Variants in RIPOR2 observed in about 807,000 individuals in gnomAD.
RIPOR2 encodes RHO family interacting cell polarization regulator 2.
In RIPOR2, 39 loss-of-function variants were observed where a neutral mutation model predicts 114.5. The ratio of observed to expected loss-of-function variants is 0.34; its 90% CI spans 0.26 to 0.44. RIPOR2 has a LOEUF of 0.44. Among genes scored for constraint, RIPOR2 ranks in the 20% least tolerant of loss-of-function variants. The pLI, the probability that RIPOR2 is intolerant of heterozygous loss-of-function variation, is 1.00. For missense variants in RIPOR2, 1,007 were observed against 1,255.1 expected, an observed-to-expected ratio of 0.80 and a Z score of 2.99; for synonymous variants, 445 against 484.4, an observed-to-expected ratio of 0.92 and a Z score of 1.07.
At chr6:24,881,994 CCTGT>C (rs1215934372) in intron 1 of RIPOR2, among the ~76,000 whole-genome samples, 11 of 152,176 alleles carry the variant, frequency 7.2e-5, no homozygotes, top group Admixed American at 7.2e-4. Context: ...TTGGAGATAA[CCTGT>C]CTCTTAAGAA....
intron 1 of RIPOR2, among the ~76,000 whole-genome samples, chr6:24,922,588 G>A (rs953379157): frequency 6.6e-6 from 1 of 151,892 alleles, no homozygotes; most frequent in African/African-American, 2.4e-5. Flanking sequence ...GGCCAGGCAC[G>A]GTGGCTCACG....
intron 1 of RIPOR2, among the ~76,000 whole-genome samples, chr6:24,904,218 A>C (rs950002581): frequency 2.6e-5 from 4 of 152,216 alleles, no homozygotes; most frequent in South Asian, 2.1e-4. Context: ...AGAAGTCTAA[A>C]ATGGGTCTCA....
At chr6:24,836,775 C>A (rs1304483368) in intron 14 of RIPOR2, among the ~76,000 whole-genome samples, 3 of 152,038 alleles carry the variant, frequency 2.0e-5, no homozygotes, top group African/African-American at 7.2e-5. Context: ...TGTGTCTGGG[C>A]AGTCCACACA....
chr6:24,807,556 A>G (rs1780851698), intron 21 of RIPOR2, among the ~76,000 whole-genome samples: 1 of 152,228 alleles, frequency 6.6e-6, no homozygotes, highest in African/African-American at 2.4e-5. Context: ...TCAACTTACA[A>G]CGGGTTTATT....
At chr6:25,040,146 T>C (rs528521855) in intron 1 of RIPOR2, among the ~76,000 whole-genome samples, 160 of 152,134 alleles carry the variant, frequency 1.1e-3, no homozygotes, top group African/African-American at 3.4e-3. Context: ...AGATGGAGTT[T>C]CGCTCATCGC....
At chr6:25,031,975 A>C (rs749010631) in intron 1 of RIPOR2, among the ~76,000 whole-genome samples, 1 of 151,530 alleles carries the variant, frequency 6.6e-6, no homozygotes, top group African/African-American at 2.4e-5. Flanking sequence ...TATGCCATTT[A>C]GAGGGTTGCT....
chr6:24,817,978 C>CTTTTTTTTTTTTTTTTTTTTTTTTT (rs57294288), intron 20 of RIPOR2, among the ~76,000 whole-genome samples: 1 of 118,366 alleles, frequency 8.4e-6, no homozygotes, highest in Non-Finnish European at 1.7e-5. Context: ...CTCTCTCTCT[C>CTTTTTTTTTTTTTTTTTTTTTTTTT]TTTTTTTTTG....
At chr6:24,881,225 C>T (rs143588516) in intron 1 of RIPOR2, among the ~76,000 whole-genome samples, 60 of 152,336 alleles carry the variant, frequency 3.9e-4, no homozygotes, top group African/African-American at 1.4e-3. Context: ...GCCTGGGTGG[C>T]TGGGGCTTTG....
intron 4 of RIPOR2, 96 bp from the exon 5 acceptor site, chr6:24,870,985 G>A (rs1765109896): frequency 2.9e-6 from 2 of 686,892 alleles, no homozygotes; most frequent in African/African-American, 1.9e-5. Context: ...CACATTATCT[G>A]TGGAAATAAT....
At chr6:24,916,165 T>C (rs1174788005) in intron 1 of RIPOR2, among the ~76,000 whole-genome samples, 1 of 152,216 alleles carries the variant, frequency 6.6e-6, no homozygotes, top group Non-Finnish European at 1.5e-5. Flanking sequence ...CCATTCCTAC[T>C]GCCTGAAAAT....
At chr6:24,807,170 C>A (rs1170916170) in intron 21 of RIPOR2, among the ~76,000 whole-genome samples, 1 of 152,228 alleles carries the variant, frequency 6.6e-6, no homozygotes, top group African/African-American at 2.4e-5. Context: ...AATAGTTGTG[C>A]CTAATCAGAA....
At chr6:24,844,371 T>TC (rs35329992) in intron 12 of RIPOR2, among the ~76,000 whole-genome samples, 118,076 of 152,154 alleles carry the variant, frequency 0.78, 47,196 homozygotes, top group East Asian at 0.96. Flanking sequence ...AAGTCAGCTC[T>TC]CTTGTGCTGT....
intron 1 of RIPOR2, among the ~76,000 whole-genome samples, chr6:24,985,370 ATT>A (rs11300406): frequency 0.34 from 51,124 of 151,254 alleles, 9,113 homozygotes; most frequent in South Asian, 0.42. Context: ...AGACCAAGTG[ATT>A]TTTTTTTTTT....
intron 1 of RIPOR2, among the ~76,000 whole-genome samples, chr6:24,941,709 G>A (rs1772141078): frequency 6.6e-6 from 1 of 152,170 alleles, no homozygotes; most frequent in Non-Finnish European, 1.5e-5. Context: ...AGCTGCTACT[G>A]ATAATAAAAT....
chr6:24,828,239 T>C lies in RIPOR2; in HGVS notation c.2563A>G (p.Ser855Gly), dbSNP rs919633688. 1.9e-6 allele frequency: 3 copies of C among 1,551,258 alleles called. No individual in the cohort carries two copies. The highest frequency in any genetic ancestry group is 1.7e-6 in the Non-Finnish European group (2 of 1,146,796). Residue 855 changes from serine (S) to glycine (G), a missense_variant, in exon 18 of 22, where the codon AGC becomes GGC. By Grantham distance (56) the Ser-to-Gly change is moderately conservative. Coordinates refer to ENST00000643898, the MANE Select transcript of RIPOR2 (RefSeq NM_001286445.3). ...ACAGTGACGACTTCCGAGGACAGGC[T>C]GGAGGAAAGCAGAGGCTCAGCCCGG... ...LDRAEPLLSS[S>G]LSSEVVTVFQ...
At chr6:24,963,978 G>A (rs1046256619) in intron 1 of RIPOR2, among the ~76,000 whole-genome samples, 6 of 152,030 alleles carry the variant, frequency 3.9e-5, no homozygotes, top group African/African-American at 1.4e-4. Flanking sequence ...CGAATTCCTG[G>A]ACTAAAGCGA....
chr6:25,008,244 C>T (rs1375354501), intron 1 of RIPOR2, among the ~76,000 whole-genome samples: 1 of 152,072 alleles, frequency 6.6e-6, no homozygotes, highest in East Asian at 1.9e-4. Flanking sequence ...TCTCGAACTC[C>T]TGACCTCGTG....
intron 2 of RIPOR2, among the ~76,000 whole-genome samples, chr6:24,874,738 A>T (rs1384417613): frequency 6.6e-6 from 1 of 152,262 alleles, no homozygotes; most frequent in Non-Finnish European, 1.5e-5. Flanking sequence ...TGTCTATGAA[A>T]TTCAACGAGG....
At chr6:24,938,920 A>G (rs1366666588), upstream of RIPOR2, among the ~76,000 whole-genome samples, 1 of 152,228 alleles carries the variant, frequency 6.6e-6, no homozygotes, top group East Asian at 1.9e-4. Flanking sequence ...ATCAATATGG[A>G]TGAGTTTCAA....
Sources: gnomAD v4.1 joint callset for allele counts (sites outside exome capture counted in the v4.1 genomes callset) on GRCh38, gnomAD v4.1.1 for gene constraint, MANE v1.5 for transcripts, NCBI Gene and HGNC (gene_info 2026-07-23, HGNC 2026-07-21) for gene names.